CASR: variants seen among roughly 807,000 people sequenced by gnomAD.
CASR encodes the protein calcium sensing receptor.
CASR carries 23 observed loss-of-function variants against 69.1 expected under a neutral mutation model. That is an observed-to-expected ratio of 0.33 (90% confidence interval 0.24 to 0.47). CASR has a LOEUF of 0.47. Among genes scored for constraint, CASR ranks in the 20% least tolerant of loss-of-function variants. The pLI, the probability that CASR is intolerant of heterozygous loss-of-function variation, is 1.00. For missense variants in CASR, 924 were observed against 1,356.1 expected (o/e 0.68, Z 5.00); for synonymous variants, 541 against 544.7 (o/e 0.99, Z 0.10).
intron 1 of CASR, among the ~76,000 whole-genome samples, chr3:122,223,889 G>A (rs1367432757): frequency 1.3e-4 from 20 of 152,032 alleles, no homozygotes; most frequent in Admixed American, 9.2e-4. Flanking sequence ...TTCAACATAC[G>A]CAAATCAATA....
chr3:122,258,426 G>T (rs1472982137), intron 3 of CASR, among the ~76,000 whole-genome samples: 7 of 110,758 alleles, frequency 6.3e-5, no homozygotes, highest in African/African-American at 1.0e-4. Context: ...AGATAGTTTT[G>T]TCATCATTGA....
intron 4 of CASR, among the ~76,000 whole-genome samples, chr3:122,272,801 T>G (rs565975899): frequency 6.6e-6 from 1 of 152,338 alleles, no homozygotes; most frequent in East Asian, 1.9e-4. Context: ...ATTCCAGTCT[T>G]GTATTTATCA....
At chr3:122,198,739 T>A (rs2073914198) in intron 1 of CASR, among the ~76,000 whole-genome samples, 1 of 151,994 alleles carries the variant, frequency 6.6e-6, no homozygotes, top group African/African-American at 2.4e-5. Context: ...TATATCTTCC[T>A]AACATTTTAC....
rs1471885969 is a variant in CASR, at chr3:122,275,930, A to G, written c.1496A>G (p.Glu499Gly). ...YSIINWHLSP[E>G]DGSIVFKEVG... ...ATCATCAACTGGCACCTCTCCCCAGAGGATGGCTCCATCGTGTTTAAGGAA... is the reference window on the plus strand; with the variant it reads ...ATCATCAACTGGCACCTCTCCCCAGGGGATGGCTCCATCGTGTTTAAGGAA... Residue 499 changes from glutamate (E) to glycine (G), a missense_variant, in exon 5 of 7, where the codon GAG (glutamate) becomes GGG (glycine). Transcript: ENST00000639785. The G allele has an allele frequency of 1.2e-6, 2 of 1,614,136 alleles. No individual in the cohort carries two copies. Among genetic ancestry groups the G allele is most frequent in the Admixed American group, 3.3e-5 (2 of 60,026 alleles).
rs147376568 is a variant in CASR, at chr3:122,283,766, G to C, written c.1812G>C (p.Glu604Asp). The C allele has an allele frequency of 6.2e-6, 10 of 1,614,162 alleles. No homozygotes were observed. Among genetic ancestry groups the C allele is most frequent in the African/African-American group, 1.3e-5 (1 of 75,032 alleles). ...NHTSCIAKEI[E>D]FLSWTEPFGI... ...CCTCCTGCATTGCCAAGGAGATCGA[G>C]TTTCTGTCGTGGACGGAGCCCTTTG... The change falls in exon 7 of 7, where the codon GAG becomes GAC. Residue 604 changes from glutamate to aspartate, a missense_variant. Physicochemically the swap from Glu to Asp is conservative, Grantham distance 45 (BLOSUM62 2). Around this residue, in one of 8 missense-constraint regions of CASR, gnomAD observed 18 missense variants for 57.9 expected, o/e 0.31. Transcript: ENST00000639785.
chr3:122,240,649 C>T (rs116135429), intron 1 of CASR, among the ~76,000 whole-genome samples: 2,398 of 152,276 alleles, frequency 0.016, 31 homozygotes, highest in South Asian at 0.069. Flanking sequence ...AGCAAAGAAA[C>T]ATCAGACTTA....
chr3:122,216,211 A>G (rs1369309505), intron 1 of CASR, among the ~76,000 whole-genome samples: 1 of 152,126 alleles, frequency 6.6e-6, no homozygotes, highest in Non-Finnish European at 1.5e-5. Flanking sequence ...TCAAATCCTA[A>G]CTGGGTGAGG....
chr3:122,190,565 T>A (rs1244483144), intron 1 of CASR, among the ~76,000 whole-genome samples: 1 of 152,208 alleles, frequency 6.6e-6, no homozygotes, highest in East Asian at 1.9e-4. Context: ...CTTACCTCTT[T>A]GGTTGTTAAA....
intron 2 of CASR, among the ~76,000 whole-genome samples, 189 bp from the exon 3 acceptor site, chr3:122,256,892 A>G (rs2074560247): frequency 6.6e-6 from 1 of 152,232 alleles, no homozygotes; most frequent in South Asian, 2.1e-4. Context: ...AAGTGCTGAG[A>G]TTACAGGCGT....
chr3:122,230,536 C>A (rs186430556), intron 1 of CASR, among the ~76,000 whole-genome samples: 102 of 152,326 alleles, frequency 6.7e-4, no homozygotes, highest in Middle Eastern at 3.4e-3. Flanking sequence ...CCATCCCCCA[C>A]CCCCTGCAAC....
intron 3 of CASR, 60 bp downstream of exon 3, chr3:122,257,447 G>A (rs529482827): frequency 2.3e-6 from 3 of 1,295,578 alleles, no homozygotes; most frequent in Admixed American, 1.7e-5. Context: ...AGGCTTGGGG[G>A]TGCCATGCCC....
At chr3:122,255,762 C>T (rs111425171) in intron 2 of CASR, among the ~76,000 whole-genome samples, 3 of 152,190 alleles carry the variant, frequency 2.0e-5, no homozygotes, top group African/African-American at 7.2e-5. Flanking sequence ...ATGAAGGAAA[C>T]TTAAAGAAAA....
intron 1 of CASR, among the ~76,000 whole-genome samples, chr3:122,202,999 CTGTT>C (rs2073973146): frequency 6.6e-6 from 1 of 152,164 alleles, no homozygotes; most frequent in Non-Finnish European, 1.5e-5. Flanking sequence ...CTGTTCTGTA[CTGTT>C]TGTCTTCCCT....
Position 122,285,286 on chromosome 3 carries a change from G to A in CASR, c.*95G>A, listed in dbSNP as rs1428401476. ...CCCCAGACTCCTTTCCTCTGAGGAAGAAGGGATAATAGACACATCAAATGC... is the reference window on the plus strand; with the variant it reads ...CCCCAGACTCCTTTCCTCTGAGGAAAAAGGGATAATAGACACATCAAATGC... On this transcript the variant is annotated 3_prime_UTR_variant, in exon 7 of 7. Transcript: ENST00000639785. The A allele has an allele frequency of 4.3e-6, 5 of 1,157,708 alleles. No homozygotes were observed. The African/African-American group carries it at 7.5e-5, about 17-fold the overall frequency. The allele number at this position is 1,157,708 out of a possible 1,614,324, so 71.7% of individuals were successfully genotyped here. A position where few individuals can be genotyped will look rare whatever the true frequency, so the allele number is the denominator to read the frequency against.
chr3:122,188,238 C>A (rs181389563), intron 1 of CASR, among the ~76,000 whole-genome samples: 1 of 152,126 alleles, frequency 6.6e-6, no homozygotes, highest in Non-Finnish European at 1.5e-5. Context: ...TGAACCATGG[C>A]GGTCATGGCA....
chr3:122,252,002 A>T (rs559499382), intron 1 of CASR, among the ~76,000 whole-genome samples: 1 of 152,330 alleles, frequency 6.6e-6, no homozygotes, highest in Non-Finnish European at 1.5e-5. Context: ...CAGGTTAAAA[A>T]TGATGGCAGG....
chr3:122,284,962 G>A lies in CASR; in HGVS notation c.3008G>A (p.Ser1003Asn), dbSNP rs2074950882. The A allele has an allele frequency of 1.2e-6, 2 of 1,614,220 alleles. No individual in the cohort carries two copies. The highest frequency in any genetic ancestry group is 1.7e-6 in the Non-Finnish European group (2 of 1,180,028). The change falls in exon 7 of 7, where the codon AGC becomes AAC. Residue 1003 changes from serine (S) to asparagine (N), a missense_variant. Around this residue, in one of 8 missense-constraint regions of CASR, gnomAD observed 201 missense variants for 228.8 expected, o/e 0.88. Transcript: ENST00000639785. ...CAGAACTCCCTGGAGGCCCAGAAAA[G>A]CAGCGATACGCTGACCCGACACGAG... The part of the protein sequence containing the change: ...THQNSLEAQK[S>N]SDTLTRHEPL...
intron 1 of CASR, among the ~76,000 whole-genome samples, chr3:122,191,330 G>A (rs535433677): frequency 1.3e-5 from 2 of 151,900 alleles, no homozygotes; most frequent in African/African-American, 4.8e-5. Context: ...TTGTTTTTTT[G>A]AGATGGAGCC....
chr3:122,237,117 TTTTTTTTTTTTTTGA>T (rs1321219174), intron 1 of CASR, among the ~76,000 whole-genome samples: 1 of 150,260 alleles, frequency 6.7e-6, no homozygotes, highest in East Asian at 1.9e-4. Context: ...TTATGCTTTT[TTTTTTTTTTTTTTGA>T]CAGAGTCTTG....
Sources: gnomAD v4.1 joint callset for allele counts (sites outside exome capture counted in the v4.1 genomes callset) on GRCh38, gnomAD v4.1.1 for gene constraint, gnomAD v4.1.1 regional missense constraint, MANE v1.5 for transcripts, NCBI Gene and HGNC (gene_info 2026-07-23, HGNC 2026-07-21) for gene names.